The following CUX1 variants were observed in gnomAD, a reference collection of about 807,000 sequenced individuals.
The protein encoded by CUX1 is protein CASP.
In CUX1, 31 loss-of-function variants were observed where a neutral mutation model predicts 158.8. That is an observed-to-expected ratio of 0.20 (90% CI 0.15 to 0.26). The LOEUF is 0.26. CUX1 is among the 10% of genes least tolerant of loss of function. The pLI is 1.00. For missense variants in CUX1, 1,589 were observed against 2,014.6 expected, an observed-to-expected ratio of 0.79 and a Z score of 4.04; for synonymous variants, 879 against 862.1, an observed-to-expected ratio of 1.02 and a Z score of -0.34.
chr7:102,138,099 G>T (rs1321130079), intron 8 of CUX1, among the ~76,000 whole-genome samples: 1 of 152,016 alleles, frequency 6.6e-6, no homozygotes, highest in African/African-American at 2.4e-5. Flanking sequence ...AGGGAGGATT[G>T]CTTGAGCCCA....
At chr7:102,197,607 C>T (rs1287659498) in intron 15 of CUX1, among the ~76,000 whole-genome samples, 2 of 152,108 alleles carry the variant, frequency 1.3e-5, no homozygotes, top group Non-Finnish European at 2.9e-5. Flanking sequence ...ATAGCGTCTC[C>T]GTATGCTTAG....
chr7:102,221,044 G>A (rs1194401453), intron 20 of CUX1, among the ~76,000 whole-genome samples: 1 of 151,696 alleles, frequency 6.6e-6, no homozygotes, highest in Non-Finnish European at 1.5e-5. Context: ...GCCAGGCCAC[G>A]ACCACCTCCC....
intron 23 of CUX1, among the ~76,000 whole-genome samples, chr7:102,246,423 G>A (rs1015294810): frequency 8.5e-5 from 13 of 152,198 alleles, no homozygotes; most frequent in African/African-American, 2.6e-4. Context: ...CTCACTGCAC[G>A]CAGGAATCAA....
intron 14 of CUX1, among the ~76,000 whole-genome samples, chr7:102,266,322 G>A (rs1433608599): frequency 6.6e-6 from 1 of 151,940 alleles, no homozygotes; most frequent in Non-Finnish European, 1.5e-5. Flanking sequence ...GTCGCAGAGA[G>A]CTGGGTCAGG....
At chr7:102,121,349 T>C (rs1188298585) in intron 8 of CUX1, among the ~76,000 whole-genome samples, 1 of 72,870 alleles carries the variant, frequency 1.4e-5, no homozygotes, top group Non-Finnish European at 2.7e-5. Context: ...TGCTTTTTGG[T>C]TTTTTTTTTT....
chr7:102,283,244 C>G, exon 23 of CUX1: 1 of 661,688 alleles, frequency 1.5e-6, no homozygotes, highest in Non-Finnish European at 2.8e-6. Context: ...ACCTCGGGTC[C>G]CCTTGAAAGA....
intron 20 of CUX1, 49 bp downstream of exon 20, chr7:102,205,219 T>TTC: frequency 7.3e-7 from 1 of 1,366,274 alleles, no homozygotes; most frequent in Non-Finnish European, 1.0e-6. Context: ...TCACTGCCTT[T>TTC]TCTGTTGTCC....
chr7:102,273,837 G>A (rs1412333539), intron 15 of CUX1, among the ~76,000 whole-genome samples: 1 of 152,234 alleles, frequency 6.6e-6, no homozygotes, highest in Non-Finnish European at 1.5e-5. Flanking sequence ...CAGCAGGCTG[G>A]GACATAAACA....
intron 3 of CUX1, among the ~76,000 whole-genome samples, chr7:102,056,414 C>G (rs1260835103): frequency 6.6e-6 from 1 of 152,140 alleles, no homozygotes; most frequent in Admixed American, 6.5e-5. Flanking sequence ...TGCTCATTTA[C>G]CATTCGGAAA....
chr7:101,982,184 C>A (rs1331420322), intron 2 of CUX1, among the ~76,000 whole-genome samples: 1 of 152,186 alleles, frequency 6.6e-6, no homozygotes, highest in Non-Finnish European at 1.5e-5. Context: ...AAAGTAGTTT[C>A]CCCTGAGAGC....
chr7:101,904,117 AACACACAC>A (rs10622369), intron 1 of CUX1, among the ~76,000 whole-genome samples: 11 of 143,860 alleles, frequency 7.6e-5, no homozygotes, highest in East Asian at 2.1e-4. Context: ...GTCTTTACAA[AACACACAC>A]ACACACACAC....
At chr7:101,971,207 C>G (rs1232717449) in intron 2 of CUX1, among the ~76,000 whole-genome samples, 1 of 152,214 alleles carries the variant, frequency 6.6e-6, no homozygotes, top group African/African-American at 2.4e-5. Flanking sequence ...TACAGCCATG[C>G]CCTTGACACT....
rs372419470 is a variant in CUX1 at position 102,234,291 on chromosome 7, G to C, written c.3622+51G>C. 771 of 1,421,052 alleles carry C rather than the reference G, an allele frequency of 5.4e-4. 1 individual carries two copies. Among genetic ancestry groups the C allele is most frequent in the Non-Finnish European group, 6.7e-4 (723 of 1,080,784 alleles). The allele number at this position is 1,421,052 out of a possible 1,614,324, so 88.0% of individuals were successfully genotyped here. ...CGGCTGCGTCCGCATTCATAGACAG[G>C]CTGTTTCTTTCAAATCTTTCACACA... is the stretch of plus-strand genomic sequence containing the variant. On this transcript the variant is annotated intron_variant, in intron 22 of 23. Coordinates refer to ENST00000292535, the MANE Select transcript of CUX1 (RefSeq NM_181552.4).
At chr7:101,989,001 A>AAAT (rs111725872) in intron 2 of CUX1, among the ~76,000 whole-genome samples, 15 of 146,618 alleles carry the variant, frequency 1.0e-4, no homozygotes, top group East Asian at 4.1e-4. Flanking sequence ...CTCAAAAAAA[A>AAAT]AATAATAATA....
At chr7:101,864,696 G>A (rs761971677) in intron 1 of CUX1, among the ~76,000 whole-genome samples, 1 of 151,954 alleles carries the variant, frequency 6.6e-6, no homozygotes, top group African/African-American at 2.4e-5. Context: ...GACTACAGGC[G>A]CACACCACCA....
intron 2 of CUX1, among the ~76,000 whole-genome samples, chr7:101,970,363 G>C (rs1811800713): frequency 6.6e-6 from 1 of 152,028 alleles, no homozygotes; most frequent in Non-Finnish European, 1.5e-5. Context: ...GCTTGGCCCG[G>C]GGGTGCGTTG....
rs527979054 is a variant in CUX1, at chr7:102,248,264, G to A, written c.3888-148G>A. The A allele has an allele frequency of 5.8e-6, 4 of 690,436 alleles. No homozygotes were observed. Among genetic ancestry groups the A allele is most frequent in the East Asian group, 3.3e-5 (1 of 29,992 alleles). 42.8% of individuals were successfully genotyped at this position (690,436 alleles called of 1,614,324 possible). On this transcript the variant is annotated intron_variant, in intron 23 of 23. Transcript: ENST00000292535. The surrounding 1 kb of genome is among the most constrained non-coding windows in gnomAD (Gnocchi z 5.8). ...GGTGACTCTGGAGAGGGGCTGCCCCGTGGCCCGAGGGTCGCTGGAGGGGCA... is the reference window on the plus strand; with the variant it reads ...GGTGACTCTGGAGAGGGGCTGCCCCATGGCCCGAGGGTCGCTGGAGGGGCA...
chr7:102,242,274 C>A (rs1034631922), intron 23 of CUX1, among the ~76,000 whole-genome samples: 2 of 146,628 alleles, frequency 1.4e-5, no homozygotes, highest in Non-Finnish European at 3.0e-5. Flanking sequence ...TACAGCAGCA[C>A]GATCTCGGCT....
chr7:102,070,853 C>T (rs1031452387), intron 4 of CUX1, among the ~76,000 whole-genome samples: 12 of 152,292 alleles, frequency 7.9e-5, no homozygotes, highest in Non-Finnish European at 1.0e-4. Context: ...ATCAGTGGCC[C>T]CTGGACAAGC....
Sources: allele counts gnomAD v4.1 joint callset (sites outside exome capture counted in the v4.1 genomes callset), GRCh38; gene constraint gnomAD v4.1.1; non-coding constraint Gnocchi (gnomAD v3.1); transcripts MANE v1.5; gene names NCBI Gene and HGNC (gene_info 2026-07-23, HGNC 2026-07-21).